The following SLMAP variants were observed in gnomAD, a reference collection of about 807,000 sequenced individuals.
SLMAP encodes sarcolemmal membrane-associated protein.
A neutral mutation model predicts 128.8 loss-of-function variants in SLMAP; 44 were observed. The ratio of observed to expected loss-of-function variants is 0.34; its 90% CI spans 0.27 to 0.44. The LOEUF is 0.44. Among genes scored for constraint, SLMAP ranks in the 20% least tolerant of loss-of-function variants. The pLI is 1.00. For missense variants in SLMAP, 787 were observed against 985.3 expected (o/e 0.80, Z 2.69); for synonymous variants, 327 against 348.8 (o/e 0.94, Z 0.70).
chr3:57,842,610 C>T (rs1030219146), intron 4 of SLMAP, among the ~76,000 whole-genome samples: 1 of 151,964 alleles, frequency 6.6e-6, no homozygotes, highest in Non-Finnish European at 1.5e-5. Flanking sequence ...TGAACAGTTA[C>T]GTAAGGAATC....
chr3:57,854,068 T>TTATA (rs10656429), intron 6 of SLMAP, among the ~76,000 whole-genome samples: 4,856 of 124,004 alleles, frequency 0.039, 169 homozygotes, highest in Non-Finnish European at 0.062. Flanking sequence ...ATATAACACA[T>TTATA]TATATATATA....
chr3:57,842,093 T>C (rs1425230427), intron 4 of SLMAP, among the ~76,000 whole-genome samples: 1 of 152,134 alleles, frequency 6.6e-6, no homozygotes. Context: ...TTCCTGTCTT[T>C]CAAAAACAGA....
chr3:57,908,046 A>G lies in SLMAP; in HGVS notation c.1624+40A>G, dbSNP rs147072974. The stretch of plus-strand genomic sequence containing the variant: ...ACTTTGGTTCTTTAGGGATGTGTGG[A>G]GGCAGCACAATATAATTGGGTGGCC... On this transcript the variant is annotated intron_variant, in intron 18 of 24. Transcript: ENST00000671191. The G allele has an allele frequency of 2.7e-4, 425 of 1,601,606 alleles. 2 individuals are homozygous for G. The African/African-American group carries it at 4.5e-3, about 17-fold the overall frequency.
intron 2 of SLMAP, among the ~76,000 whole-genome samples, chr3:57,822,915 T>C (rs80122021): frequency 0.025 from 3,768 of 152,286 alleles, 163 homozygotes; most frequent in African/African-American, 0.086. Flanking sequence ...AGTGACCACA[T>C]ATGGCAGGGA....
intron 2 of SLMAP, among the ~76,000 whole-genome samples, chr3:57,784,742 C>T (rs1029424965): frequency 1.3e-5 from 2 of 152,136 alleles, no homozygotes; most frequent in African/African-American, 4.8e-5. Context: ...TTGCATGTGT[C>T]TGCCATGGTT....
At chr3:57,834,955 C>T (rs918003916) in intron 3 of SLMAP, among the ~76,000 whole-genome samples, 1 of 151,422 alleles carries the variant, frequency 6.6e-6, no homozygotes, top group African/African-American at 2.4e-5. Context: ...AACCCCATCT[C>T]TACCAAAAAT....
Position 57,857,729 on chromosome 3 carries a change from C to T in SLMAP, c.520-4C>T. The T allele has an allele frequency of 3.1e-6, 5 of 1,597,000 alleles. No homozygotes were observed. Among genetic ancestry groups the T allele is most frequent in the Non-Finnish European group, 4.3e-6 (5 of 1,164,618 alleles). ...AGAATCTGTTTTGTGATTTGTAATA[C>T]TAGGAGGCCTTACATCGGGAACAAA... is the stretch of plus-strand genomic sequence containing the variant. On this transcript the variant is annotated splice_polypyrimidine_tract_variant and splice_region_variant and intron_variant, in intron 6 of 24. Transcript: ENST00000671191.
At chr3:57,917,477 GTTAC>G in intron 22 of SLMAP, 1 of 185,616 alleles carries the variant, frequency 5.4e-6, no homozygotes, top group African/African-American at 2.4e-5. Flanking sequence ...GGCCTGAAAA[GTTAC>G]TTAAAATTCA....
At chr3:57,916,799 C>T in intron 21 of SLMAP, 107 bp from the exon 22 acceptor site, 10 of 819,272 alleles carry the variant, frequency 1.2e-5, no homozygotes, top group African/African-American at 3.5e-5. Flanking sequence ...TTCTTTTTTT[C>T]TCTGAAATCC....
chr3:57,759,279 CTTT>C (rs530906553), intron 2 of SLMAP, among the ~76,000 whole-genome samples: 3 of 142,064 alleles, frequency 2.1e-5, no homozygotes, highest in Non-Finnish European at 3.1e-5. Flanking sequence ...ACTCGTAATC[CTTT>C]TTTTTTTTTT....
chr3:57,762,501 G>T (rs1382007448), intron 2 of SLMAP, among the ~76,000 whole-genome samples: 1 of 152,090 alleles, frequency 6.6e-6, no homozygotes, highest in Non-Finnish European at 1.5e-5. Flanking sequence ...TTAATGCTAA[G>T]CTCATGGAAT....
intron 17 of SLMAP, among the ~76,000 whole-genome samples, chr3:57,906,203 T>G (rs765258444): frequency 2.7e-5 from 4 of 150,060 alleles, no homozygotes; most frequent in Non-Finnish European, 5.9e-5. Context: ...ACTGGAAAAA[T>G]CTCTCTCTCT....
At chr3:57,905,001 A>G (rs549150273) in intron 17 of SLMAP, among the ~76,000 whole-genome samples, 1 of 152,266 alleles carries the variant, frequency 6.6e-6, no homozygotes, top group African/African-American at 2.4e-5. Flanking sequence ...CAGGAGGTCA[A>G]TTAAGGCTGC....
At chr3:57,876,532 A>T (rs2095607454) in intron 14 of SLMAP, among the ~76,000 whole-genome samples, 1 of 152,260 alleles carries the variant, frequency 6.6e-6, no homozygotes, top group African/African-American at 2.4e-5. Context: ...ACTTGCTAAA[A>T]AAAGCTTCAG....
At chr3:57,826,650 A>G (rs934129913) in intron 2 of SLMAP, among the ~76,000 whole-genome samples, 1 of 152,096 alleles carries the variant, frequency 6.6e-6, no homozygotes, top group African/African-American at 2.4e-5. Flanking sequence ...CATTCCTGGA[A>G]GGTAGCTTTG....
chr3:57,764,958 C>T (rs905003633), intron 2 of SLMAP, among the ~76,000 whole-genome samples: 1 of 152,200 alleles, frequency 6.6e-6, no homozygotes, highest in Admixed American at 6.5e-5. Context: ...TTCGGCAAAG[C>T]GCAAGGTCCT....
chr3:57,892,971 G>A (rs2096129945), intron 15 of SLMAP, among the ~76,000 whole-genome samples: 1 of 151,458 alleles, frequency 6.6e-6, no homozygotes, highest in Non-Finnish European at 1.5e-5. Flanking sequence ...GTAGCTGGGA[G>A]TACAGGTACC....
rs2094612349 is a variant in SLMAP, at chr3:57,853,958, TATATATATATATATATATATATATATA to T, written c.520-3774_520-3748del. Among the ~76,000 whole-genome samples, 19 of 51,848 alleles carry T rather than the reference TATATATATATATATATATATATATATA, an allele frequency of 3.7e-4. 1 individual carries two copies. In the East Asian group the frequency reaches 0.011, roughly 29 times the overall value. The allele number at this position is 51,848 out of a possible 152,430, so 34.0% of individuals were successfully genotyped here. A position where few individuals can be genotyped will look rare whatever the true frequency, so the allele number is the denominator to read the frequency against. On this transcript the variant is annotated intron_variant, in intron 6 of 24. Coordinates refer to ENST00000671191, the MANE Select transcript of SLMAP (RefSeq NM_001377540.1). Reference sequence around the variant, plus strand: ...TTCTGTCTCAAAAAAAAAAAAATTATATATATATATATATATATATATATATATATATATATATATATTTACATATAA... The same window carrying T: ...TTCTGTCTCAAAAAAAAAAAAATTATTATATATATATATATTTACATATAA...
At chr3:57,800,179 A>C (rs182172251) in intron 2 of SLMAP, 31 of 152,364 alleles carry the variant, frequency 2.0e-4, no homozygotes, top group Non-Finnish European at 4.0e-4. Context: ...TTGTTTTTTG[A>C]GACAGAGTCT....
Sources: gnomAD v4.1 joint callset for allele counts (sites outside exome capture counted in the v4.1 genomes callset) on GRCh38, gnomAD v4.1.1 for gene constraint, MANE v1.5 for transcripts, NCBI Gene and HGNC (gene_info 2026-07-23, HGNC 2026-07-21) for gene names.